ATRN: variants seen among roughly 807,000 people sequenced by gnomAD.
The protein encoded by ATRN is attractin-2.
A neutral mutation model predicts 178.7 loss-of-function variants in ATRN; 54 were observed. The observed-to-expected ratio is 0.30, with a 90% CI of 0.24 to 0.38. The LOEUF is 0.38. Ranked by LOEUF, ATRN falls within the 10% of genes least tolerant of loss-of-function variation. The pLI, the probability that ATRN is intolerant of heterozygous loss-of-function variation, is 1.00. For missense variants in ATRN, 1,443 were observed against 1,815.1 expected (o/e 0.79, Z 3.73); for synonymous variants, 636 against 663.0 (o/e 0.96, Z 0.63).
chr20:3,571,505 T>G (rs1041624330), intron 11 of ATRN, among the ~76,000 whole-genome samples: 1 of 152,036 alleles, frequency 6.6e-6, no homozygotes, highest in Non-Finnish European at 1.5e-5. Flanking sequence ...CAGTAGTGTG[T>G]GAGAGTGCCT....
At chr20:3,611,057 A>G (rs944436047) in intron 24 of ATRN, among the ~76,000 whole-genome samples, 1 of 152,232 alleles carries the variant, frequency 6.6e-6, no homozygotes, top group African/African-American at 2.4e-5. Context: ...TCACAGATCT[A>G]AATGTAAAAC....
At chr20:3,539,385 T>C (rs2085586423) in intron 2 of ATRN, among the ~76,000 whole-genome samples, 1 of 152,206 alleles carries the variant, frequency 6.6e-6, no homozygotes, top group African/African-American at 2.4e-5. Flanking sequence ...TTTGTTTTTA[T>C]TTTTGTAAAA....
intron 25 of ATRN, among the ~76,000 whole-genome samples, chr20:3,627,200 A>T (rs149444135): frequency 6.6e-6 from 1 of 152,296 alleles, no homozygotes; most frequent in Non-Finnish European, 1.5e-5. Context: ...TATAGCTGTA[A>T]ATCTGTGGCT....
intron 24 of ATRN, 22 bp downstream of exon 24, chr20:3,604,284 C>T (rs751814395): frequency 6.4e-7 from 1 of 1,573,048 alleles, no homozygotes; most frequent in Admixed American, 2.0e-5. Flanking sequence ...CTTTTGGTCT[C>T]ATACCTGCAA....
At chr20:3,637,447 G>C (rs2087034039) in intron 26 of ATRN, among the ~76,000 whole-genome samples, 1 of 152,108 alleles carries the variant, frequency 6.6e-6, no homozygotes, top group Non-Finnish European at 1.5e-5. Flanking sequence ...TGGACCTACA[G>C]CTTTAAAAAA....
At chr20:3,511,277 AACAAAG>A in intron 1 of ATRN, among the ~76,000 whole-genome samples, 1 of 152,336 alleles carries the variant, frequency 6.6e-6, no homozygotes, top group South Asian at 2.1e-4. Flanking sequence ...AGCGAGGATT[AACAAAG>A]ACAAACATTA....
chr20:3,549,837 T>G (rs1320355914), intron 6 of ATRN, among the ~76,000 whole-genome samples: 3 of 152,194 alleles, frequency 2.0e-5, no homozygotes, highest in African/African-American at 7.2e-5. Context: ...TTAATCTTGC[T>G]GATTTTATTA....
At chr20:3,562,550 G>C (rs2085970431) in intron 9 of ATRN, 91 bp downstream of exon 9, 3 of 1,320,288 alleles carry the variant, frequency 2.3e-6, no homozygotes, top group African/African-American at 1.5e-5. Context: ...TTGTTTTCAT[G>C]CCTGGCAGAT....
chr20:3,547,802 AATG>A (rs1358096782), intron 5 of ATRN, among the ~76,000 whole-genome samples: 3 of 152,172 alleles, frequency 2.0e-5, no homozygotes, highest in South Asian at 2.1e-4. Flanking sequence ...AGCTGACAAT[AATG>A]ATATTTCCTC....
At chr20:3,641,403 C>G (rs938931854) in intron 27 of ATRN, among the ~76,000 whole-genome samples, 5 of 151,642 alleles carry the variant, frequency 3.3e-5, no homozygotes, top group African/African-American at 1.2e-4. Flanking sequence ...CCAGCCTGGC[C>G]AACATGGTGA....
At position 3,571,817 on chromosome 20, in the gene ATRN, C is replaced by T. The variant is rs147818267; in HGVS notation, c.1872-914C>T. 2.2e-3 allele frequency among the ~76,000 whole-genome samples: 331 copies of T among 152,072 alleles called. 3 individuals are homozygous for T. The highest frequency in any genetic ancestry group is 3.2e-3 in the Admixed American group (49 of 15,262). ...CTTATAGCATTATTTCCATGTAAAA[C>T]GTCTTTTTAATTCATATGACCAGAT... On this transcript the variant is annotated intron_variant, in intron 11 of 28. Coordinates refer to ENST00000262919, the MANE Select transcript of ATRN (RefSeq NM_139321.3).
At chr20:3,555,090 C>CCCTG (rs1465172831) in intron 6 of ATRN, among the ~76,000 whole-genome samples, 1 of 148,010 alleles carries the variant, frequency 6.8e-6, no homozygotes, top group East Asian at 2.0e-4. Flanking sequence ...AGGCTCCGCC[C>CCCTG]CCTGGGGTTC....
At chr20:3,644,357 A>T in intron 28 of ATRN, 89 bp downstream of exon 28, 1 of 1,134,310 alleles carries the variant, frequency 8.8e-7, no homozygotes, top group South Asian at 1.4e-5. Context: ...GAACAAGGTT[A>T]TAAAGGTGAT....
chr20:3,483,842 G>A (rs1412392539), intron 1 of ATRN, among the ~76,000 whole-genome samples: 1 of 151,886 alleles, frequency 6.6e-6, no homozygotes, highest in East Asian at 1.9e-4. Context: ...TACAATTTCT[G>A]TATATTATAA....
intron 1 of ATRN, among the ~76,000 whole-genome samples, chr20:3,484,573 A>G (rs535164557): frequency 6.6e-6 from 1 of 152,134 alleles, no homozygotes; most frequent in Non-Finnish European, 1.5e-5. Flanking sequence ...GAATTGTGCT[A>G]TAATCATTTA....
At position 3,572,749 on chromosome 20, in the gene ATRN, T is replaced by C. The variant is rs2086144286; in HGVS notation, c.1890T>C (p.Gly630=). The C allele has an allele frequency of 6.2e-7, 1 of 1,613,790 alleles. No homozygotes were observed. The highest frequency in any genetic ancestry group is 1.7e-5 in the Admixed American group (1 of 59,942). The change falls in exon 12 of 29, where the codon GGT becomes GGC. Residue 630 remains glycine, a synonymous_variant. Transcript: ENST00000262919. ...CTCTTAGCACCATGTATGTGTTCGG[T>C]GGTTTCAATAGTCTCCTCCTCAGCG... ...VLHNSTMYVF[G]GFNSLLLSDI... is the part of the protein sequence containing the mutation.
chr20:3,609,021 G>A (rs148855370), intron 24 of ATRN, among the ~76,000 whole-genome samples: 2 of 150,822 alleles, frequency 1.3e-5, no homozygotes, highest in African/African-American at 4.9e-5. Context: ...GAGGTCTTCT[G>A]TGGTTCCATA....
In ATRN at chr20:3,560,710, A is replaced by C; in HGVS notation, c.1252A>C (p.Thr418Pro). 1 of 1,613,598 alleles carries C rather than the reference A, an allele frequency of 6.2e-7. No individual in the cohort carries two copies. The highest frequency in any genetic ancestry group is 8.5e-7 in the Non-Finnish European group (1 of 1,179,546). Residue 418 changes from threonine (T) to proline (P), a missense_variant, in exon 8 of 29, where the codon ACC becomes CCC. Around this residue, in one of 4 missense-constraint regions of ATRN, gnomAD observed 862 missense variants for 972.1 expected, o/e 0.89. Transcript: ENST00000262919. The stretch of plus-strand genomic sequence containing the variant: ...AAAAATTGATTCAACTGGGAATGTG[A>C]CCAATGAGTTGAGAGTTTTTCACAT... ...GGKIDSTGNV[T>P]NELRVFHIHN...
chr20:3,517,366 T>C (rs2085220200), intron 1 of ATRN, among the ~76,000 whole-genome samples: 2 of 152,174 alleles, frequency 1.3e-5, no homozygotes, highest in African/African-American at 4.8e-5. Context: ...AAAGTGCATA[T>C]GTGGTTATCA....
Sources: gnomAD v4.1 joint callset for allele counts (sites outside exome capture counted in the v4.1 genomes callset) on GRCh38, gnomAD v4.1.1 for gene constraint, gnomAD v4.1.1 regional missense constraint, MANE v1.5 for transcripts, NCBI Gene and HGNC (gene_info 2026-07-23, HGNC 2026-07-21) for gene names.